SKIC2: variants seen among roughly 807,000 people sequenced by gnomAD.
The protein encoded by SKIC2 is SKI2 subunit of superkiller complex.
the SKIC2 span, chr6:31,961,351 G>A: frequency 6.4e-7 from 1 of 1,571,008 alleles, no homozygotes; most frequent in East Asian, 2.2e-5. Context: ...TGCTCCCCTG[G>A]CCCGAGCAAG....
the SKIC2 span, chr6:31,968,823 G>T: frequency 6.2e-7 from 1 of 1,609,600 alleles, no homozygotes; most frequent in Non-Finnish European, 8.5e-7. The surrounding 1 kb of genome is among the most constrained non-coding windows in gnomAD (Gnocchi z 6.1). Context: ...TTGGGGCAGG[G>T]GGGCTAGGGG....
At chr6:31,967,778 C>G in the SKIC2 span, 1 of 1,613,050 alleles carries the variant, frequency 6.2e-7, no homozygotes, top group Non-Finnish European at 8.5e-7. This position sits in a 1 kb window ranked among gnomAD's most constrained non-coding sequence, Gnocchi z 4.9. Flanking sequence ...GCCCTTGTCC[C>G]AGGACCCACA....
chr6:31,962,924 C>T, the SKIC2 span: 4 of 1,417,458 alleles, frequency 2.8e-6, no homozygotes, highest in Non-Finnish European at 4.0e-6. The surrounding 1 kb of genome is among the most constrained non-coding windows in gnomAD (Gnocchi z 5.0). Flanking sequence ...TCCTGTGCCT[C>T]TTTATGGGCA....
chr6:31,968,645 G>A, the SKIC2 span: 2 of 1,574,608 alleles, frequency 1.3e-6, no homozygotes, highest in Non-Finnish European at 1.7e-6. This position sits in a 1 kb window ranked among gnomAD's most constrained non-coding sequence, Gnocchi z 6.1. Context: ...GTGCACCCCT[G>A]CTAAGGGGCA....
chr6:31,967,760 T>G, the SKIC2 span: 2 of 1,613,040 alleles, frequency 1.2e-6, no homozygotes, highest in African/African-American at 2.7e-5. The surrounding 1 kb of genome is among the most constrained non-coding windows in gnomAD (Gnocchi z 4.9). Context: ...CCTGGTCTTG[T>G]GTGATAAGCC....
chr6:31,963,794 C>G, the SKIC2 span: 1 of 1,493,238 alleles, frequency 6.7e-7, no homozygotes, highest in Non-Finnish European at 9.1e-7. This position sits in a 1 kb window ranked among gnomAD's most constrained non-coding sequence, Gnocchi z 5.3. Flanking sequence ...CTTTTTTTTC[C>G]CCTTGTCCCC....
the SKIC2 span, chr6:31,963,916 C>A: frequency 1.2e-6 from 2 of 1,609,502 alleles, no homozygotes; most frequent in Admixed American, 1.7e-5. The surrounding 1 kb of genome is among the most constrained non-coding windows in gnomAD (Gnocchi z 5.3). Context: ...TCTCCAGGAC[C>A]GCGGAGTGTA....
chr6:31,966,039 G>A, the SKIC2 span: 1 of 1,444,388 alleles, frequency 6.9e-7, no homozygotes. This position sits in a 1 kb window ranked among gnomAD's most constrained non-coding sequence, Gnocchi z 5.9. Context: ...TGCTCGGCAG[G>A]GCCCCAGCTC....
chr6:31,962,125 C>T, the SKIC2 span: 1 of 1,486,258 alleles, frequency 6.7e-7, no homozygotes, highest in Non-Finnish European at 9.4e-7. The surrounding 1 kb of genome is among the most constrained non-coding windows in gnomAD (Gnocchi z 5.0). Flanking sequence ...TTGAAAATCT[C>T]ATCTCTTCCC....
chr6:31,963,133 A>G, the SKIC2 span: 2 of 1,347,274 alleles, frequency 1.5e-6, no homozygotes, highest in Admixed American at 3.4e-5. The surrounding 1 kb of genome is among the most constrained non-coding windows in gnomAD (Gnocchi z 5.3). Context: ...AGGGGGCTAC[A>G]GTACTCCTTG....
At chr6:31,964,431 G>C in the SKIC2 span, 27 of 952,338 alleles carry the variant, frequency 2.8e-5, no homozygotes, top group Non-Finnish European at 4.5e-5. This position sits in a 1 kb window ranked among gnomAD's most constrained non-coding sequence, Gnocchi z 5.0. Context: ...GGTTTAGGCA[G>C]GCCAGTGCTG....
the SKIC2 span, chr6:31,967,687 C>G: frequency 0.022 from 34,759 of 1,611,024 alleles, 438 homozygotes; most frequent in Non-Finnish European, 0.023. This position sits in a 1 kb window ranked among gnomAD's most constrained non-coding sequence, Gnocchi z 4.9. Context: ...TCACACCCCC[C>G]TCTCCTGGCC....
chr6:31,962,412 C>T, the SKIC2 span: 1 of 1,613,696 alleles, frequency 6.2e-7, no homozygotes. The surrounding 1 kb of genome is among the most constrained non-coding windows in gnomAD (Gnocchi z 5.0). Context: ...TGCGGAGGGA[C>T]TGGCTAACTT....
chr6:31,961,812 C>A, the SKIC2 span: 1 of 1,557,716 alleles, frequency 6.4e-7, no homozygotes, highest in Non-Finnish European at 8.8e-7. Flanking sequence ...CCTCGGCTGG[C>A]TCCGGCCTTC....
the SKIC2 span, chr6:31,963,456 C>A: frequency 6.2e-7 from 1 of 1,611,060 alleles, no homozygotes. This position sits in a 1 kb window ranked among gnomAD's most constrained non-coding sequence, Gnocchi z 5.3. Flanking sequence ...CACTGTAACC[C>A]GCCCCGTGCC....
At chr6:31,962,966 C>A in the SKIC2 span, 1 of 1,588,418 alleles carries the variant, frequency 6.3e-7, no homozygotes, top group Admixed American at 1.7e-5. This position sits in a 1 kb window ranked among gnomAD's most constrained non-coding sequence, Gnocchi z 5.0. Context: ...TGTGACCTCC[C>A]TTCCCTCTCT....
At chr6:31,960,702 C>T in the SKIC2 span, 1 of 1,582,952 alleles carries the variant, frequency 6.3e-7, no homozygotes, top group South Asian at 1.2e-5. Context: ...GATCTGAACA[C>T]ACGGGAGGAG....
the SKIC2 span, chr6:31,967,905 C>T: frequency 1.2e-6 from 2 of 1,612,908 alleles, no homozygotes; most frequent in Non-Finnish European, 1.7e-6. This position sits in a 1 kb window ranked among gnomAD's most constrained non-coding sequence, Gnocchi z 4.9. Flanking sequence ...GCAGTATAAG[C>T]AGGATGCCTG....
At chr6:31,966,865 C>G in the SKIC2 span, 1 of 1,614,068 alleles carries the variant, frequency 6.2e-7, no homozygotes, top group Non-Finnish European at 8.5e-7. This position sits in a 1 kb window ranked among gnomAD's most constrained non-coding sequence, Gnocchi z 5.9. Flanking sequence ...CCTGGGGTAA[C>G]CAGTGTGTGG....
Sources: allele counts gnomAD v4.1 joint callset, GRCh38; gene constraint gnomAD v4.1.1; non-coding constraint Gnocchi (gnomAD v3.1); transcripts MANE v1.5; gene names NCBI Gene and HGNC (gene_info 2026-07-23, HGNC 2026-07-21).